CCDC60: variants seen among roughly 807,000 people sequenced by gnomAD.
CCDC60 encodes coiled-coil domain-containing protein 60.
CCDC60 carries 54 observed loss-of-function variants against 63.5 expected under a neutral mutation model. The ratio of observed to expected loss-of-function variants is 0.85; its 90% confidence interval spans 0.68 to 1.07. The LOEUF is 1.07. Among genes scored for constraint, CCDC60 ranks in the 50% least tolerant of loss-of-function variants. The probability of loss-of-function intolerance (pLI) is 0.00; values close to 1 mark genes in which losing one functional copy is unlikely to be tolerated. For synonymous variants in CCDC60, 206 were observed against 238.8 expected, an observed-to-expected ratio of 0.86 and a Z score of 1.27; for missense variants, 651 against 684.3, an observed-to-expected ratio of 0.95 and a Z score of 0.54.
At chr12:119,491,461 T>A (rs912821557) in intron 5 of CCDC60, among the ~76,000 whole-genome samples, 2 of 152,174 alleles carry the variant, frequency 1.3e-5, no homozygotes, top group Non-Finnish European at 2.9e-5. Context: ...CCTGAGCAGC[T>A]GGGACTACAG....
rs548139209 is a variant in CCDC60, at chr12:119,498,095, A to C, written c.558-1983A>C. Among the ~76,000 whole-genome samples the C allele has an allele frequency of 5.3e-5, 8 of 152,238 alleles. No individual in the cohort carries two copies. In the South Asian group the frequency reaches 1.5e-3, roughly 28 times the overall value. On this transcript the variant is annotated intron_variant, in intron 5 of 13. Transcript: ENST00000327554. Reference sequence around the variant, plus strand: ...GCTGGTAGATCTTCAGCAAAGTCCCACTGGTGAAGAGAGGACACCCCCAAC... The same window carrying C: ...GCTGGTAGATCTTCAGCAAAGTCCCCCTGGTGAAGAGAGGACACCCCCAAC...
chr12:119,377,821 C>T (rs1412306017), intron 1 of CCDC60, among the ~76,000 whole-genome samples: 1 of 152,166 alleles, frequency 6.6e-6, no homozygotes, highest in Non-Finnish European at 1.5e-5. Flanking sequence ...TAAGGAAGTG[C>T]TTGCGGTATG....
chr12:119,470,042 C>T (rs925363545), intron 2 of CCDC60, among the ~76,000 whole-genome samples: 3 of 152,210 alleles, frequency 2.0e-5, no homozygotes, highest in Admixed American at 6.5e-5. Flanking sequence ...CCTGCATTGT[C>T]AGCTTTAGCT....
chr12:119,517,732 T>C (rs564333566), intron 8 of CCDC60, among the ~76,000 whole-genome samples: 3 of 152,274 alleles, frequency 2.0e-5, no homozygotes, highest in East Asian at 1.9e-4. Context: ...TGGTTTTTAT[T>C]CTAAGAGCAG....
At chr12:119,414,628 A>C (rs1956667643) in intron 1 of CCDC60, among the ~76,000 whole-genome samples, 1 of 152,150 alleles carries the variant, frequency 6.6e-6, no homozygotes, top group Non-Finnish European at 1.5e-5. Context: ...ATAGCTCACC[A>C]CAACCTCAAA....
rs572908323 is a variant in CCDC60 at position 119,487,256 on chromosome 12, A to G, written c.450-1503A>G. On this transcript the variant is annotated intron_variant, in intron 4 of 13. Transcript: ENST00000327554. ...GAGCCTCCCATCCCCCATTGTAAAG[A>G]GGAGGTGGGAGCGGTATATTACCTA... Among the ~76,000 whole-genome samples the G allele has an allele frequency of 1.3e-4, 20 of 150,972 alleles. No homozygotes were observed. The South Asian group carries it at 4.2e-3, about 32-fold the overall frequency.
intron 6 of CCDC60, among the ~76,000 whole-genome samples, chr12:119,502,404 G>A (rs579005): frequency 0.51 from 77,248 of 151,946 alleles, 20,399 homozygotes; most frequent in Non-Finnish European, 0.58. Context: ...CCAAAAATCA[G>A]TCCCTACTGA....
intron 8 of CCDC60, among the ~76,000 whole-genome samples, chr12:119,517,631 T>C (rs1443265737): frequency 2.0e-5 from 3 of 152,120 alleles, no homozygotes; most frequent in Admixed American, 2.0e-4. Flanking sequence ...GAGAGTATTA[T>C]AGGCAGCACA....
intron 5 of CCDC60, among the ~76,000 whole-genome samples, chr12:119,491,894 G>A: frequency 6.6e-6 from 1 of 152,080 alleles, no homozygotes; most frequent in South Asian, 2.1e-4. Flanking sequence ...GGATTGAGAA[G>A]AGAAAAAGGG....
intron 8 of CCDC60, among the ~76,000 whole-genome samples, 168 bp from the exon 9 acceptor site, chr12:119,519,953 T>C (rs1593208319): frequency 6.6e-6 from 1 of 152,060 alleles, no homozygotes; most frequent in East Asian, 1.9e-4. Flanking sequence ...CCAGGAAATG[T>C]GGCCGAGGAA....
intron 1 of CCDC60, among the ~76,000 whole-genome samples, chr12:119,393,973 G>C (rs1198594664): frequency 6.6e-6 from 1 of 152,148 alleles, no homozygotes; most frequent in African/African-American, 2.4e-5. Flanking sequence ...TGATCATCTT[G>C]AGCTTAAGCA....
At chr12:119,512,168 C>T (rs996627383) in intron 7 of CCDC60, among the ~76,000 whole-genome samples, 3 of 152,190 alleles carry the variant, frequency 2.0e-5, no homozygotes, top group African/African-American at 4.8e-5. Flanking sequence ...CTGGGCTTCA[C>T]GCTTCCCTTC....
At chr12:119,345,579 A>C (rs192267351) in intron 1 of CCDC60, among the ~76,000 whole-genome samples, 77 of 152,196 alleles carry the variant, frequency 5.1e-4, no homozygotes, top group Middle Eastern at 3.4e-3. Flanking sequence ...ATAGAAAGGG[A>C]GGTACCTCTC....
intron 2 of CCDC60, among the ~76,000 whole-genome samples, chr12:119,455,276 G>A (rs1034946750): frequency 2.0e-5 from 3 of 152,206 alleles, no homozygotes; most frequent in Non-Finnish European, 4.4e-5. Flanking sequence ...AGTAGGGAAG[G>A]AAAACCAAGT....
chr12:119,400,259 C>T (rs762053151), intron 1 of CCDC60, among the ~76,000 whole-genome samples: 13 of 152,176 alleles, frequency 8.5e-5, no homozygotes, highest in Admixed American at 6.5e-5. Flanking sequence ...CCGTATTAGC[C>T]AGGATGGTCT....
At chr12:119,524,630 G>T (rs1952629448) in intron 11 of CCDC60, 1 of 180,726 alleles carries the variant, frequency 5.5e-6, no homozygotes, top group East Asian at 1.9e-4. Context: ...GGAGGAAGCA[G>T]CCTGAACACA....
At chr12:119,431,528 C>T (rs1181906471) in intron 2 of CCDC60, among the ~76,000 whole-genome samples, 2 of 152,214 alleles carry the variant, frequency 1.3e-5, no homozygotes, top group Non-Finnish European at 2.9e-5. Flanking sequence ...CAGTCTCCAG[C>T]TGCATGACTC....
At chr12:119,407,635 T>G (rs933945264) in intron 1 of CCDC60, among the ~76,000 whole-genome samples, 1 of 152,224 alleles carries the variant, frequency 6.6e-6, no homozygotes, top group Non-Finnish European at 1.5e-5. Flanking sequence ...TCTACTTGCT[T>G]ACCTTGGAAA....
rs918161818 is a variant in CCDC60, at chr12:119,472,045, G to A, written c.222G>A (p.Arg74=). ...KIGRGYFAIL[R]EETAKKKKQQ... ...GCCGTGGATATTTTGCTATTCTGAG[G>A]GAAGAGACTGCAAAGAAAAAGAAGC... Residue 74 remains arginine, a synonymous_variant, in exon 3 of 14, where the codon AGG becomes AGA. Coordinates refer to ENST00000327554, the MANE Select transcript of CCDC60 (RefSeq NM_178499.5). 1 of 1,614,022 alleles carries A rather than the reference G, an allele frequency of 6.2e-7. No individual in the cohort carries two copies. The highest frequency in any genetic ancestry group is 8.5e-7 in the Non-Finnish European group (1 of 1,180,010).
Sources: allele counts gnomAD v4.1 joint callset (sites outside exome capture counted in the v4.1 genomes callset), GRCh38; gene constraint gnomAD v4.1.1; transcripts MANE v1.5; gene names NCBI Gene and HGNC (gene_info 2026-07-23, HGNC 2026-07-21).